GLIS3: variants seen among roughly 807,000 people sequenced by gnomAD.
The protein encoded by GLIS3 is zinc finger protein GLIS3.
GLIS3 carries 53 observed loss-of-function variants against 78.6 expected under a neutral mutation model. The observed-to-expected ratio is 0.67, with a 90% CI of 0.54 to 0.85. The LOEUF (loss-of-function observed/expected upper bound fraction) is 0.85. Ranked by LOEUF, GLIS3 falls within the 40% of genes least tolerant of loss-of-function variation. GLIS3 has a pLI of 0.00. For synonymous variants in GLIS3, 684 were observed against 509.9 expected (o/e 1.34, Z -4.60); for missense variants, 1,703 against 1,231.1 (o/e 1.38, Z -5.74).
chr9:4,300,192 C>T (rs1817002260), upstream of GLIS3, among the ~76,000 whole-genome samples: 2 of 140,896 alleles, frequency 1.4e-5, no homozygotes, highest in South Asian at 4.8e-4. Context: ...GAGCTTGTGT[C>T]TCCCTCTTGA....
At chr9:3,964,784 T>G (rs1365278187) in intron 4 of GLIS3, among the ~76,000 whole-genome samples, 1 of 152,206 alleles carries the variant, frequency 6.6e-6, no homozygotes, top group East Asian at 1.9e-4. Flanking sequence ...TCAGTGTTTC[T>G]GGGCAGTAGT....
upstream of GLIS3, among the ~76,000 whole-genome samples, chr9:4,351,366 C>T (rs7029258): frequency 0.19 from 27,810 of 144,228 alleles, 2,703 homozygotes; most frequent in Middle Eastern, 0.33. Context: ...AATCGCACCA[C>T]TGCACTCAAG....
chr9:3,966,415 T>G (rs111513210), intron 4 of GLIS3, among the ~76,000 whole-genome samples: 12 of 152,256 alleles, frequency 7.9e-5, no homozygotes, highest in African/African-American at 2.6e-4. Context: ...TAGGCTAAAT[T>G]TGACTTCAAT....
At chr9:4,054,124 TGAA>T (rs1825946348) in intron 4 of GLIS3, among the ~76,000 whole-genome samples, 1 of 152,198 alleles carries the variant, frequency 6.6e-6, no homozygotes, top group Non-Finnish European at 1.5e-5. Flanking sequence ...GAGTTGAAGA[TGAA>T]GACACAATAG....
At chr9:4,036,424 G>A (rs370916482) in intron 4 of GLIS3, among the ~76,000 whole-genome samples, 1 of 152,144 alleles carries the variant, frequency 6.6e-6, no homozygotes, top group Non-Finnish European at 1.5e-5. Flanking sequence ...TAAATAAAGA[G>A]TGGGTTTTTG....
intron 1 of GLIS3, among the ~76,000 whole-genome samples, chr9:4,287,959 T>A (rs1414667298): frequency 6.6e-6 from 1 of 152,192 alleles, no homozygotes; most frequent in Non-Finnish European, 1.5e-5. Flanking sequence ...AAGAATGCCA[T>A]CAGTTTGTGA....
intron 4 of GLIS3, among the ~76,000 whole-genome samples, chr9:4,072,503 TA>T (rs1827699192): frequency 6.6e-6 from 1 of 152,228 alleles, no homozygotes; most frequent in Admixed American, 6.5e-5. Context: ...TATTTTTATT[TA>T]TTTTTTTGAG....
intron 2 of GLIS3, among the ~76,000 whole-genome samples, chr9:4,327,254 C>T (rs1217090949): frequency 6.6e-6 from 1 of 152,048 alleles, no homozygotes; most frequent in Non-Finnish European, 1.5e-5. Flanking sequence ...ACTGAGAGAG[C>T]AGAGGGAGGT....
intron 4 of GLIS3, among the ~76,000 whole-genome samples, chr9:3,940,759 G>C (rs476155): frequency 0.32 from 48,278 of 152,078 alleles, 10,001 homozygotes; most frequent in African/African-American, 0.6. Flanking sequence ...GAAAAGGGGC[G>C]TGGTGTGCAA....
chr9:4,179,275 C>T (rs1817081582), intron 2 of GLIS3, among the ~76,000 whole-genome samples: 1 of 152,192 alleles, frequency 6.6e-6, no homozygotes, highest in African/African-American at 2.4e-5. Context: ...AGTTACTCTT[C>T]TTTCCCTGTG....
intron 8 of GLIS3, among the ~76,000 whole-genome samples, chr9:3,859,160 C>G (rs749545215): frequency 6.6e-6 from 1 of 152,114 alleles, no homozygotes; most frequent in Non-Finnish European, 1.5e-5. Flanking sequence ...AGGAGAGTGA[C>G]TCAACAAGCT....
At position 3,828,112 on chromosome 9, in the gene GLIS3, G is replaced by T; in HGVS notation, c.*160C>A. The T allele has an allele frequency of 1.3e-6, 1 of 769,016 alleles. No individual in the cohort carries two copies. Among genetic ancestry groups the T allele is most frequent in the Non-Finnish European group, 2.2e-6 (1 of 456,772 alleles). 47.6% of individuals were successfully genotyped at this position (769,016 alleles called of 1,614,324 possible). The stretch of plus-strand genomic sequence containing the variant: ...AACTGTAATGATTCCTGCAAAGCTA[G>T]CTCTGCCATTCAGTCCTGCCTTCTG... On this transcript the variant is annotated 3_prime_UTR_variant, in exon 11 of 11. Transcript: ENST00000381971.
At chr9:4,442,881 C>A in the GLIS3 span, among the ~76,000 whole-genome samples, 1 of 152,044 alleles carries the variant, frequency 6.6e-6, no homozygotes, top group South Asian at 2.1e-4. Flanking sequence ...TTCCCAGACC[C>A]CAGTCCAGAA....
intron 2 of GLIS3, among the ~76,000 whole-genome samples, chr9:4,261,712 C>G (rs915452462): frequency 1.3e-5 from 2 of 152,168 alleles, no homozygotes; most frequent in African/African-American, 4.8e-5. Context: ...TTGTCAATGG[C>G]CATAAACCCG....
chr9:3,860,042 G>A (rs971145711), intron 8 of GLIS3, among the ~76,000 whole-genome samples: 4 of 151,994 alleles, frequency 2.6e-5, no homozygotes, highest in African/African-American at 4.8e-5. Flanking sequence ...TTGGGAGGCC[G>A]AGGCGGGTGG....
chr9:3,834,704 C>T (rs1164665470), intron 9 of GLIS3, among the ~76,000 whole-genome samples: 1 of 152,174 alleles, frequency 6.6e-6, no homozygotes, highest in Non-Finnish European at 1.5e-5. Context: ...TTTTTTAATA[C>T]ATCTATCTTT....
rs531986363 is a variant in GLIS3, at chr9:4,195,555, G to A, written c.389-69614C>T. 2.6e-5 allele frequency among the ~76,000 whole-genome samples: 4 copies of A among 152,358 alleles called. No homozygotes were observed. In the East Asian group the frequency reaches 7.7e-4, roughly 29 times the overall value. On this transcript the variant is annotated intron_variant, in intron 2 of 10. Coordinates refer to ENST00000381971, the MANE Select transcript of GLIS3 (RefSeq NM_001042413.2). ...CCCCATGGGGCAGGGCTCGGGACCT[G>A]CAGCCCGCCATGCCCGAGCTCCCCT...
At chr9:4,489,804 G>A in the GLIS3 span, among the ~76,000 whole-genome samples, 1 of 152,192 alleles carries the variant, frequency 6.6e-6, no homozygotes, top group Non-Finnish European at 1.5e-5. Flanking sequence ...AAAGTTCTAA[G>A]AGAAATCACC....
chr9:4,449,006 A>T, the GLIS3 span, among the ~76,000 whole-genome samples: 95 of 152,268 alleles, frequency 6.2e-4, no homozygotes, highest in African/African-American at 2.2e-3. Context: ...GAGCTGAAGC[A>T]GGGCAGGGTG....
Sources: allele counts gnomAD v4.1 joint callset (sites outside exome capture counted in the v4.1 genomes callset), GRCh38; gene constraint gnomAD v4.1.1; transcripts MANE v1.5; gene names NCBI Gene and HGNC (gene_info 2026-07-23, HGNC 2026-07-21).